ACTR1A: variants seen among roughly 807,000 people sequenced by gnomAD.
ACTR1A encodes actin related protein 1A, also known as alpha-centractin.
Under a neutral mutation model 50.7 loss-of-function variants are expected in ACTR1A, and 10 were observed. The observed-to-expected ratio is 0.20, with a 90% CI of 0.12 to 0.33. The LOEUF is 0.33. ACTR1A is among the 10% of genes least tolerant of loss of function. ACTR1A has a pLI of 1.00. For synonymous variants in ACTR1A, 177 were observed against 184.2 expected (o/e 0.96, Z 0.32); for missense variants, 253 against 491.7 (o/e 0.51, Z 4.59).
intron 4 of ACTR1A, among the ~76,000 whole-genome samples, chr10:102,487,827 T>C (rs2062176107): frequency 6.6e-6 from 1 of 151,974 alleles, no homozygotes; most frequent in Non-Finnish European, 1.5e-5. Flanking sequence ...GAGACAGGGT[T>C]TCACCGTGTT....
intron 5 of ACTR1A, among the ~76,000 whole-genome samples, chr10:102,485,143 T>C (rs2062160753): frequency 6.6e-6 from 1 of 151,948 alleles, no homozygotes; most frequent in Non-Finnish European, 1.5e-5. Flanking sequence ...ATCTCTGCCG[T>C]AGACCTCACT....
At position 102,480,835 on chromosome 10, in the gene ACTR1A, A is replaced by G. The variant is rs975861754; in HGVS notation, c.*28T>C. 5 of 1,561,564 alleles carry G rather than the reference A, an allele frequency of 3.2e-6. No individual in the cohort carries two copies. In the African/African-American group the frequency reaches 5.4e-5, roughly 17 times the overall value. ...CGAGTTTTAAAGTGGAGTTAACTTC[A>G]GAGAGAGGTGAAGATGATGTCCCGA... is the stretch of plus-strand genomic sequence containing the variant. On this transcript the variant is annotated 3_prime_UTR_variant, in exon 11 of 11. Transcript: ENST00000369905.
In ACTR1A at chr10:102,502,685, A is replaced by G; in HGVS notation, c.-38T>C. 6.2e-7 allele frequency: 1 copy of G among 1,612,122 alleles called. No homozygotes were observed. The highest frequency in any genetic ancestry group is 8.5e-7 in the Non-Finnish European group (1 of 1,178,650). On this transcript the variant is annotated 5_prime_UTR_variant, in exon 1 of 11. Coordinates refer to ENST00000369905, the MANE Select transcript of ACTR1A (RefSeq NM_005736.4). ...TCTCCTTCTGGGGAAGGAACTGCCC[A>G]GCCGGGTCCGCCGCTAGCGCCACTG...
At chr10:102,485,509 G>A in intron 5 of ACTR1A, 100 bp downstream of exon 5, 1 of 1,499,422 alleles carries the variant, frequency 6.7e-7, no homozygotes, top group Non-Finnish European at 9.1e-7. Flanking sequence ...CTAGCAGAGG[G>A]GGCTCAAGTT....
rs943804431 is a variant in ACTR1A at position 102,488,355 on chromosome 10, C to T, written c.190-80G>A. The T allele has an allele frequency of 1.9e-5, 29 of 1,562,560 alleles. No individual in the cohort carries two copies. The Admixed American group carries it at 4.9e-4, about 27-fold the overall frequency. On this transcript the variant is annotated intron_variant, in intron 3 of 10. Coordinates refer to ENST00000369905, the MANE Select transcript of ACTR1A (RefSeq NM_005736.4). This position sits in a 1 kb window ranked among gnomAD's most constrained non-coding sequence, Gnocchi z 4.4. ...TTCTCCCAAGACTAAGCAGTGCAAG[C>T]TGAATCCCTTGCAAAGAAGCCTCAG...
At chr10:102,486,714 C>T (rs7917158) in intron 4 of ACTR1A, among the ~76,000 whole-genome samples, 3 of 151,188 alleles carry the variant, frequency 2.0e-5, no homozygotes, top group African/African-American at 7.3e-5. Context: ...ACAAAAAAAA[C>T]CCAAAACTGA....
Position 102,480,660 on chromosome 10 carries a change from G to C in ACTR1A, c.*203C>G, listed in dbSNP as rs1173240323. The C allele has an allele frequency of 1.7e-6, 1 of 597,316 alleles. No individual in the cohort carries two copies. The highest frequency in any genetic ancestry group is 1.9e-5 in the African/African-American group (1 of 53,870). The allele number at this position is 597,316 out of a possible 1,614,324, so 37.0% of individuals were successfully genotyped here. ...GGAGCCAGTTAGTGGTCAACCCCAG[G>C]CCTCAGGCCATCACCACTGCAGGTA... On this transcript the variant is annotated 3_prime_UTR_variant, in exon 11 of 11. Transcript: ENST00000369905.
rs770244999 is a variant in ACTR1A, at chr10:102,485,710, C to T, written c.339G>A (p.Ala113=). ...CCCGGTTTTTTCGTGGGTTTAAAGGCGCCTCAGTCAGGAGCACAGGATGCT... is the reference window on the plus strand; with the variant it reads ...CCCGGTTTTTTCGTGGGTTTAAAGGTGCCTCAGTCAGGAGCACAGGATGCT... ...SEEHPVLLTE[A]PLNPRKNRER... Residue 113 remains alanine (A), a synonymous_variant, in exon 5 of 11, where the codon GCG becomes GCA. Transcript: ENST00000369905. The T allele has an allele frequency of 1.2e-5, 20 of 1,614,022 alleles. No homozygotes were observed. The highest frequency in any genetic ancestry group is 4.5e-5 in the East Asian group (2 of 44,890).
Position 102,502,673 on chromosome 10 carries a change from A to G in ACTR1A, c.-26T>C. 1.2e-6 allele frequency: 2 copies of G among 1,613,846 alleles called. No individual in the cohort carries two copies. The highest frequency in any genetic ancestry group is 2.7e-5 in the African/African-American group (2 of 75,066). On this transcript the variant is annotated 5_prime_UTR_variant, in exon 1 of 11. Transcript: ENST00000369905. ...GGCAGAGGAATCTCTCCTTCTGGGG[A>G]AGGAACTGCCCAGCCGGGTCCGCCG... is the stretch of plus-strand genomic sequence containing the variant.
At position 102,482,986 on chromosome 10, in the gene ACTR1A, C is replaced by G; in HGVS notation, c.750+25G>C. On this transcript the variant is annotated intron_variant, in intron 7 of 10. Coordinates refer to ENST00000369905, the MANE Select transcript of ACTR1A (RefSeq NM_005736.4). The surrounding 1 kb of genome is among the most constrained non-coding windows in gnomAD (Gnocchi z 5.6). ...AGAGCTTTTGTGGACCTAAGGGGAC[C>G]GAAGAAAGAAGGCAGGCCACCTACC... The G allele has an allele frequency of 1.3e-6, 2 of 1,590,318 alleles. No individual in the cohort carries two copies. Among genetic ancestry groups the G allele is most frequent in the East Asian group, 2.2e-5 (1 of 44,764 alleles).
intron 8 of ACTR1A, 27 bp downstream of exon 8, chr10:102,481,974 G>A (rs780363253): frequency 3.1e-6 from 5 of 1,613,966 alleles, no homozygotes; most frequent in South Asian, 1.1e-5. Context: ...CACTTCCAGG[G>A]GAAGGGCTCC....
At chr10:102,481,094 C>A in intron 10 of ACTR1A, 38 bp downstream of exon 10, 1 of 1,604,202 alleles carries the variant, frequency 6.2e-7, no homozygotes, top group Non-Finnish European at 8.5e-7. Context: ...AGTGCCATCA[C>A]TTCCTGTTCT....
intron 9 of ACTR1A, 45 bp from the exon 10 acceptor site, chr10:102,481,217 C>G (rs2296578): frequency 0.35 from 533,266 of 1,534,174 alleles, 93,745 homozygotes; most frequent in Admixed American, 0.4. Flanking sequence ...CCAGCCCTCC[C>G]GCTCCCTTTC....
At chr10:102,502,101 GTCCCGGAAGCCAA>G (rs1427117254) in intron 1 of ACTR1A, among the ~76,000 whole-genome samples, 1 of 152,192 alleles carries the variant, frequency 6.6e-6, no homozygotes, top group Non-Finnish European at 1.5e-5. Context: ...ACCACCCAGA[GTCCCGGAAGCCAA>G]TCCCCACAGC....
At chr10:102,487,214 G>A (rs528879001) in intron 4 of ACTR1A, among the ~76,000 whole-genome samples, 7 of 152,214 alleles carry the variant, frequency 4.6e-5, no homozygotes, top group Admixed American at 2.6e-4. Flanking sequence ...CCAGGAGTTC[G>A]AGACCAGCCT....
In ACTR1A at chr10:102,485,600, GC is replaced by G. The variant is rs1405488203; in HGVS notation, c.440+8del. ...CCCGCAGGGGCCGGGCTAGCCAGCT[GC>G]TACTCACAGGCTGAGTACAGCTTGC... On this transcript the variant is annotated splice_region_variant and intron_variant, in intron 5 of 10. Transcript: ENST00000369905. 3 of 1,613,312 alleles carry G rather than the reference GC, an allele frequency of 1.9e-6. No individual in the cohort carries two copies. The South Asian group carries it at 3.3e-5, about 18-fold the overall frequency.
rs2062149858 is a variant in ACTR1A, at chr10:102,482,735, T to C, written c.750+276A>G. 4 of 426,618 alleles carry C rather than the reference T, an allele frequency of 9.4e-6. No homozygotes were observed. In the South Asian group the frequency reaches 1.3e-4, roughly 13 times the overall value. 26.4% of individuals were successfully genotyped at this position (426,618 alleles called of 1,614,324 possible). ...GGCCACATTGGAAGAAGAATTGTCTTGGGCCACACATAATATACACTAACA... is the reference window on the plus strand; with the variant it reads ...GGCCACATTGGAAGAAGAATTGTCTCGGGCCACACATAATATACACTAACA... On this transcript the variant is annotated intron_variant, in intron 7 of 10. Transcript: ENST00000369905. This position sits in a 1 kb window ranked among gnomAD's most constrained non-coding sequence, Gnocchi z 5.6.
intron 3 of ACTR1A, 36 bp downstream of exon 3, chr10:102,489,027 C>A (rs374884712): frequency 2.7e-6 from 4 of 1,467,220 alleles, no homozygotes; most frequent in African/African-American, 1.4e-5. Flanking sequence ...AGGTCCTCTG[C>A]TGGCTTAAGG....
chr10:102,488,084 T>C lies in ACTR1A; in HGVS notation c.315+66A>G. On this transcript the variant is annotated intron_variant, in intron 4 of 10. Coordinates refer to ENST00000369905, the MANE Select transcript of ACTR1A (RefSeq NM_005736.4). The surrounding 1 kb of genome is among the most constrained non-coding windows in gnomAD (Gnocchi z 4.4). ...AGTGATCATCGTCCTCCTCATCATC[T>C]CTAGGGTAGGAGTTTGACACAGCTT... 6.4e-7 allele frequency: 1 copy of C among 1,558,282 alleles called. No homozygotes were observed. Among genetic ancestry groups the C allele is most frequent in the Non-Finnish European group, 8.8e-7 (1 of 1,137,062 alleles).
Sources: allele counts gnomAD v4.1 joint callset (sites outside exome capture counted in the v4.1 genomes callset), GRCh38; gene constraint gnomAD v4.1.1; non-coding constraint Gnocchi (gnomAD v3.1); transcripts MANE v1.5; gene names NCBI Gene and HGNC (gene_info 2026-07-23, HGNC 2026-07-21).